GABPB1: variants seen among roughly 807,000 people sequenced by gnomAD.
GABPB1 encodes GA-binding protein subunit beta-1.
GABPB1 carries 15 observed loss-of-function variants against 45.9 expected under a neutral mutation model. The observed-to-expected ratio is 0.33, with a 90% CI of 0.22 to 0.50. The LOEUF (loss-of-function observed/expected upper bound fraction) is 0.50, where lower values mean the gene tolerates loss of function less well. Among genes scored for constraint, GABPB1 ranks in the 20% least tolerant of loss-of-function variants. The probability of loss-of-function intolerance (pLI) is 0.98; values close to 1 mark genes in which losing one functional copy is unlikely to be tolerated. For missense variants in GABPB1, 252 were observed against 457.5 expected (o/e 0.55, Z 4.10); for synonymous variants, 143 against 154.4 (o/e 0.93, Z 0.55).
Position 50,286,097 on chromosome 15 carries a change from C to G in GABPB1, c.970G>C (p.Glu324Gln). 1 of 1,612,548 alleles carries G rather than the reference C, an allele frequency of 6.2e-7. No homozygotes were observed. Among genetic ancestry groups the G allele is most frequent in the Non-Finnish European group, 8.5e-7 (1 of 1,179,236 alleles). ...PAKRQCIEII[E>Q]NRVESAEIEE... ...ATTTCTGCAGATTCCACCCGGTTTT[C>G]AATTATTTCGATACATTGTCTCTTA... The change falls in exon 8 of 9, where the codon GAA becomes CAA. Residue 324 changes from glutamate (E) to glutamine (Q), a missense_variant. Coordinates refer to ENST00000380877, the MANE Select transcript of GABPB1 (RefSeq NM_016654.5).
At chr15:50,318,538 AGAAAG>A (rs147523686) in intron 1 of GABPB1, among the ~76,000 whole-genome samples, 11,565 of 152,164 alleles carry the variant, frequency 0.076, 1,316 homozygotes, top group African/African-American at 0.25. Context: ...AAAGTAAACT[AGAAAG>A]AATAATCAAG....
In GABPB1 at chr15:50,322,499, T is replaced by C. The variant is rs191488702; in HGVS notation, c.1-12701A>G. Reference sequence around the variant, plus strand: ...AGATGGAGGTTGCAGTGACCCAAGATTGCGCCACTGCACTCCAGCTTGGGT... The same window carrying C: ...AGATGGAGGTTGCAGTGACCCAAGACTGCGCCACTGCACTCCAGCTTGGGT... On this transcript the variant is annotated intron_variant, in intron 1 of 8. Coordinates refer to ENST00000380877, the MANE Select transcript of GABPB1 (RefSeq NM_016654.5). 4.7e-3 allele frequency among the ~76,000 whole-genome samples: 711 copies of C among 151,964 alleles called. 7 individuals are homozygous for C. The highest frequency in any genetic ancestry group is 0.017 in the African/African-American group (685 of 41,424).
chr15:50,308,799 CTTTATTCTTTAAAGATTTA>C (rs1024572208), intron 2 of GABPB1, among the ~76,000 whole-genome samples: 9 of 152,000 alleles, frequency 5.9e-5, no homozygotes, highest in African/African-American at 2.2e-4. Flanking sequence ...ATCAAAAAGT[CTTTATTCTTTAAAGATTTA>C]TTTATTCTTT....
intron 1 of GABPB1, among the ~76,000 whole-genome samples, chr15:50,317,881 C>T (rs1178112414): frequency 1.3e-5 from 2 of 150,342 alleles, no homozygotes; most frequent in Non-Finnish European, 2.9e-5. Flanking sequence ...CGCACTCCAG[C>T]CTGGGCGACA....
rs144841021 is a variant in GABPB1, at chr15:50,337,351, T to C, written c.-1+17634A>G. ...TGAGATTCTGTAATATTATTTGTAA[T>C]TTTTAAAGCATTTTTTGAAAGACTA... On this transcript the variant is annotated intron_variant, in intron 1 of 8. Coordinates refer to ENST00000380877, the MANE Select transcript of GABPB1 (RefSeq NM_016654.5). 6.2e-3 allele frequency among the ~76,000 whole-genome samples: 935 copies of C among 151,968 alleles called. 5 individuals carry two copies. The highest frequency in any genetic ancestry group is 7.3e-3 in the Non-Finnish European group (497 of 67,962).
Position 50,289,474 on chromosome 15 carries a change from A to G in GABPB1, c.883+9T>C. On this transcript the variant is annotated intron_variant, in intron 7 of 8. Coordinates refer to ENST00000380877, the MANE Select transcript of GABPB1 (RefSeq NM_016654.5). ...ACATACAAACTTTATATAAATGTCT[A>G]CTACTAACCTTGTTGTCCATCTGGC... 1 of 1,550,222 alleles carries G rather than the reference A, an allele frequency of 6.5e-7. No homozygotes were observed. Among genetic ancestry groups the G allele is most frequent in the African/African-American group, 1.4e-5 (1 of 72,386 alleles).
chr15:50,353,561 T>C (rs1286290551), intron 1 of GABPB1: 2 of 150,170 alleles, frequency 1.3e-5, no homozygotes, highest in African/African-American at 5.1e-5. Context: ...ATGTAATGGA[T>C]TTATTTTTTG....
intron 6 of GABPB1, among the ~76,000 whole-genome samples, chr15:50,294,630 A>G (rs910690994): frequency 2.6e-5 from 4 of 152,240 alleles, no homozygotes; most frequent in Non-Finnish European, 4.4e-5. Flanking sequence ...AAGCAAAAAC[A>G]AAACAAAACA....
chr15:50,288,270 G>A (rs527650654), intron 7 of GABPB1, among the ~76,000 whole-genome samples: 2 of 152,170 alleles, frequency 1.3e-5, no homozygotes, highest in East Asian at 3.9e-4. Flanking sequence ...TGCTAAGACT[G>A]GTCTTGAACT....
At chr15:50,340,755 G>GT (rs2048329096) in intron 1 of GABPB1, among the ~76,000 whole-genome samples, 2 of 99,252 alleles carry the variant, frequency 2.0e-5, no homozygotes. Flanking sequence ...ATGTTTGTTG[G>GT]CCACTATGTT....
chr15:50,279,605 T>C (rs1230842998), intron 8 of GABPB1, among the ~76,000 whole-genome samples: 9 of 152,168 alleles, frequency 5.9e-5, no homozygotes, highest in Admixed American at 6.5e-5. Flanking sequence ...CATTCAGTTA[T>C]TGCAGGAAAA....
intron 1 of GABPB1, among the ~76,000 whole-genome samples, chr15:50,316,688 A>G (rs550965063): frequency 4.5e-4 from 69 of 152,290 alleles, no homozygotes; most frequent in Non-Finnish European, 7.8e-4. Context: ...AAACTATTCA[A>G]AAATCTAAAT....
At chr15:50,325,271 T>C (rs2047709189) in intron 1 of GABPB1, among the ~76,000 whole-genome samples, 1 of 150,520 alleles carries the variant, frequency 6.6e-6, no homozygotes, top group Admixed American at 6.6e-5. Context: ...ACAAATAATA[T>C]TTTGAGGGCA....
chr15:50,330,742 C>T (rs2047920849), intron 1 of GABPB1, among the ~76,000 whole-genome samples: 2 of 152,168 alleles, frequency 1.3e-5, no homozygotes, highest in South Asian at 4.1e-4. Flanking sequence ...TCTTAAATTT[C>T]CTCAGCAATA....
intron 1 of GABPB1, among the ~76,000 whole-genome samples, chr15:50,318,446 T>A (rs2047428995): frequency 2.0e-5 from 3 of 152,200 alleles, no homozygotes; most frequent in African/African-American, 7.2e-5. Flanking sequence ...TAAATGATAT[T>A]TTCAAATATT....
intron 1 of GABPB1, among the ~76,000 whole-genome samples, chr15:50,331,296 G>A (rs993692626): frequency 3.3e-5 from 5 of 152,310 alleles, no homozygotes; most frequent in Middle Eastern, 3.4e-3. Flanking sequence ...TTAAAAAGCC[G>A]AGAGTGTGTA....
At chr15:50,283,821 C>A (rs1420188704) in intron 8 of GABPB1, among the ~76,000 whole-genome samples, 2 of 152,164 alleles carry the variant, frequency 1.3e-5, no homozygotes, top group Admixed American at 1.3e-4. Flanking sequence ...CAACTCTTAG[C>A]ACTTTCTTTA....
At chr15:50,314,042 T>C (rs16963604) in intron 1 of GABPB1, among the ~76,000 whole-genome samples, 74,752 of 151,958 alleles carry the variant, frequency 0.49, 19,486 homozygotes, top group Middle Eastern at 0.64. Flanking sequence ...CATGAAGCAT[T>C]TGAACAAATC....
chr15:50,311,997 G>A (rs1345794428), intron 1 of GABPB1, among the ~76,000 whole-genome samples: 1 of 152,044 alleles, frequency 6.6e-6, no homozygotes, highest in Non-Finnish European at 1.5e-5. Context: ...ACAGGCCTTC[G>A]TCACAAGGCA....
Sources: gnomAD v4.1 joint callset for allele counts (sites outside exome capture counted in the v4.1 genomes callset) on GRCh38, gnomAD v4.1.1 for gene constraint, MANE v1.5 for transcripts, NCBI Gene and HGNC (gene_info 2026-07-23, HGNC 2026-07-21) for gene names.